NPHP3: variants seen among roughly 807,000 people sequenced by gnomAD.
The protein encoded by NPHP3 is nephrocystin 3, also known as nephrocystin-3.
In NPHP3, 123 loss-of-function variants were observed where a neutral mutation model predicts 171.9. That is an observed-to-expected ratio of 0.72 (90% CI 0.62 to 0.83). NPHP3 has a LOEUF of 0.83. Among genes scored for constraint, NPHP3 ranks in the 40% least tolerant of loss-of-function variants. NPHP3 has a pLI of 0.00. For synonymous variants in NPHP3, 558 were observed against 579.2 expected (o/e 0.96, Z 0.52); for missense variants, 1,506 against 1,591.9 (o/e 0.95, Z 0.92).
In NPHP3 at chr3:132,699,371, G is replaced by T. The variant is rs1304651255; in HGVS notation, c.1967C>A (p.Thr656Lys). ...ATCGTACCTCCATGCTGGAGGGCAT[G>T]TTTCTACATTCACAGAAACAATTAC... ...VRVIVSVNVETCPPAWRLWPT... is the reference protein window; with the variant it reads ...VRVIVSVNVEKCPPAWRLWPT... The change falls in exon 13 of 27, where the codon ACA becomes AAA. Residue 656 changes from threonine (T) to lysine (K), a missense_variant. Physicochemically the swap from Thr to Lys is moderately conservative, Grantham distance 78. Around this residue, in one of 3 missense-constraint regions of NPHP3, gnomAD observed 930 missense variants for 924.9 expected, o/e 1.01. Coordinates refer to ENST00000337331, the MANE Select transcript of NPHP3 (RefSeq NM_153240.5). The T allele has an allele frequency of 6.2e-7, 1 of 1,611,718 alleles. No homozygotes were observed.
rs576575130 is a variant in NPHP3, at chr3:132,705,168, AT to A, written c.1350+571del. 4.6e-5 allele frequency among the ~76,000 whole-genome samples: 7 copies of A among 152,186 alleles called. No homozygotes were observed. The South Asian group carries it at 1.5e-3, about 32-fold the overall frequency. On this transcript the variant is annotated intron_variant, in intron 8 of 26. Transcript: ENST00000337331. ...GGAATAATAAATAATCACTATTACT[AT>A]TTTTTTCTAATATATAATTTAAAAT...
chr3:132,722,244 C>G lies in NPHP3; in HGVS notation c.112G>C (p.Ala38Pro). Residue 38 changes from alanine (A) to proline (P), a missense_variant, in exon 1 of 27, where the codon GCC (alanine) becomes CCC (proline). Around this residue, in one of 3 missense-constraint regions of NPHP3, gnomAD observed 930 missense variants for 924.9 expected, o/e 1.01. Transcript: ENST00000337331. ...CGGAACGAGTTGCGCAGCAGGCGGGCCTTGGGCTTCACCTCCACCGGGATC... is the reference window on the plus strand; with the variant it reads ...CGGAACGAGTTGCGCAGCAGGCGGGGCTTGGGCTTCACCTCCACCGGGATC... ...CEIPVEVKPKARLLRNSFRRG... is the reference protein window; with the variant it reads ...CEIPVEVKPKPRLLRNSFRRG... 1.3e-6 allele frequency: 2 copies of G among 1,568,042 alleles called. No homozygotes were observed. The highest frequency in any genetic ancestry group is 1.7e-6 in the Non-Finnish European group (2 of 1,166,832).
Position 132,712,420 on chromosome 3 carries a change from T to A in NPHP3, c.1118+706A>T, listed in dbSNP as rs190326064. ...AACTCAGGTTTTGTAGGACACATGG[T>A]TTCTGTTGTAAAGATTCAACTTTGC... is the stretch of plus-strand genomic sequence containing the variant. On this transcript the variant is annotated intron_variant, in intron 6 of 26. Coordinates refer to ENST00000337331, the MANE Select transcript of NPHP3 (RefSeq NM_153240.5). The A allele has an allele frequency of 8.6e-4, 393 of 456,942 alleles. 1 individual carries two copies. Among genetic ancestry groups the A allele is most frequent in the Non-Finnish European group, 1.5e-3 (338 of 226,878 alleles). The allele number at this position is 456,942 out of a possible 1,614,324, so 28.3% of individuals were successfully genotyped here. A position where few individuals can be genotyped will look rare whatever the true frequency, so the allele number is the denominator to read the frequency against.
chr3:132,708,194 G>A lies in NPHP3; in HGVS notation c.1182C>T (p.Ile394=). ...LKNPEGKPRL[I]FHRLEDGKVS... is the part of the protein sequence containing the mutation. ...CTTTTCCATCTTCCAAACGATGAAA[G>A]ATTAATCGAGGTTTTCCTTCAGGGT... The change falls in exon 7 of 27, where the codon ATC becomes ATT. Residue 394 remains isoleucine (I), a synonymous_variant. Coordinates refer to ENST00000337331, the MANE Select transcript of NPHP3 (RefSeq NM_153240.5). 1 of 1,613,876 alleles carries A rather than the reference G, an allele frequency of 6.2e-7. No homozygotes were observed. Among genetic ancestry groups the A allele is most frequent in the Non-Finnish European group, 8.5e-7 (1 of 1,179,718 alleles).
intron 1 of NPHP3, among the ~76,000 whole-genome samples, chr3:132,720,419 G>C (rs936305284): frequency 4.6e-5 from 7 of 152,194 alleles, no homozygotes; most frequent in African/African-American, 1.7e-4. Flanking sequence ...ACTCCGCCCT[G>C]TTTGGTTTGG....
intron 3 of NPHP3, chr3:132,718,216 G>A: frequency 3.4e-6 from 1 of 295,850 alleles, no homozygotes; most frequent in Non-Finnish European, 6.6e-6. Flanking sequence ...AAATGGGAGA[G>A]TGACTACATT....
rs760474910 is a variant in NPHP3 at position 132,697,300 on chromosome 3, G to A, written c.2048C>T (p.Ala683Val). ...TTTAATGTCTACAGAGTGGCATTCT[G>A]CAATTATAATAGATTTTGCATCTTT... The part of the protein sequence containing the change: ...SPKDAKSIII[A>V]ECHSVDIKLS... Residue 683 changes from alanine to valine, a missense_variant, in exon 14 of 27, where the codon GCA (alanine) becomes GTA (valine). Around this residue, in one of 3 missense-constraint regions of NPHP3, gnomAD observed 930 missense variants for 924.9 expected, o/e 1.01. Transcript: ENST00000337331. The A allele has an allele frequency of 3.7e-6, 6 of 1,612,156 alleles. No individual in the cohort carries two copies. Among genetic ancestry groups the A allele is most frequent in the Non-Finnish European group, 5.1e-6 (6 of 1,179,226 alleles).
chr3:132,708,950 C>G (rs777290260), intron 6 of NPHP3, among the ~76,000 whole-genome samples: 3 of 152,174 alleles, frequency 2.0e-5, no homozygotes, highest in Non-Finnish European at 4.4e-5. Context: ...ACTAAGAATT[C>G]TTGAACCTAT....
chr3:132,721,160 C>G (rs572041583), intron 1 of NPHP3, among the ~76,000 whole-genome samples: 1 of 152,130 alleles, frequency 6.6e-6, no homozygotes. Flanking sequence ...TCAGGTGATC[C>G]GTCCGCCTAG....
At chr3:132,700,765 T>C (rs1939586437) in intron 10 of NPHP3, among the ~76,000 whole-genome samples, 1 of 152,118 alleles carries the variant, frequency 6.6e-6, no homozygotes. Context: ...AGAGGAAAAT[T>C]TGTTAGATAC....
Position 132,682,062 on chromosome 3 carries a change from C to T in NPHP3, c.3841G>A (p.Ala1281Thr), listed in dbSNP as rs1939044718. Reference protein sequence around the residue: ...SYEGGDFEKAAELYKRAMEIK... With the variant: ...SYEGGDFEKATELYKRAMEIK... ...TCCATTGCCCTTTTGTATAATTCAGCAGCTTTTTCAAAATCTCCTCCTTCA... is the reference window on the plus strand; with the variant it reads ...TCCATTGCCCTTTTGTATAATTCAGTAGCTTTTTCAAAATCTCCTCCTTCA... The change falls in exon 27 of 27, where the codon GCT (alanine) becomes ACT (threonine). Residue 1281 changes from alanine (A) to threonine (T), a missense_variant. Ala to Thr is a moderately conservative substitution (Grantham distance 58). Around this residue, in one of 3 missense-constraint regions of NPHP3, gnomAD observed 569 missense variants for 648.1 expected, o/e 0.88. Transcript: ENST00000337331. 1 of 1,614,038 alleles carries T rather than the reference C, an allele frequency of 6.2e-7. No homozygotes were observed. Among genetic ancestry groups the T allele is most frequent in the Non-Finnish European group, 8.5e-7 (1 of 1,179,956 alleles).
At chr3:132,682,187 T>C (rs12491565) in intron 26 of NPHP3, 97 bp from the exon 27 acceptor site, 3 of 1,160,472 alleles carry the variant, frequency 2.6e-6, no homozygotes, top group Non-Finnish European at 3.8e-6. Flanking sequence ...CTGTAAATAT[T>C]TGCCCATTTC....
chr3:132,715,336 A>C, intron 4 of NPHP3, 118 bp from the exon 5 acceptor site: 1 of 799,382 alleles, frequency 1.3e-6, no homozygotes. Flanking sequence ...ACATGTTAAT[A>C]CTGCCATACC....
intron 9 of NPHP3, among the ~76,000 whole-genome samples, chr3:132,702,021 G>A (rs781202392): frequency 1.7e-4 from 26 of 151,888 alleles, no homozygotes; most frequent in Non-Finnish European, 2.8e-4. Context: ...GCAAGACTCC[G>A]TCTCAAAACA....
intron 7 of NPHP3, among the ~76,000 whole-genome samples, chr3:132,707,765 G>C (rs546051708): frequency 8.2e-4 from 125 of 152,070 alleles, no homozygotes; most frequent in Non-Finnish European, 1.6e-3. Context: ...ATGGCTCTCA[G>C]ACTCTGCACA....
chr3:132,682,668 A>C (rs373763291), intron 26 of NPHP3, 35 bp downstream of exon 26: 1 of 1,150,906 alleles, frequency 8.7e-7, no homozygotes, highest in South Asian at 1.2e-5. Context: ...TTCGAATAAA[A>C]GAGGCTGTAT....
At chr3:132,697,158 T>C in intron 14 of NPHP3, 102 bp downstream of exon 14, 2 of 833,706 alleles carry the variant, frequency 2.4e-6, no homozygotes, top group Non-Finnish European at 2.0e-6. Flanking sequence ...ACTCCAGTTT[T>C]CCTTATAACA....
chr3:132,719,786 ACTTT>A lies in NPHP3; in HGVS notation c.434_437del (p.Glu145ValfsTer3), dbSNP rs763300393. 5.2e-5 allele frequency: 83 copies of A among 1,601,086 alleles called. No individual in the cohort carries two copies. The highest frequency in any genetic ancestry group is 1.3e-4 in the Admixed American group (8 of 59,576). On this transcript the variant is annotated frameshift_variant, in exon 2 of 27. Coordinates refer to ENST00000337331, the MANE Select transcript of NPHP3 (RefSeq NM_153240.5). LOFTEE classifies it high-confidence loss of function. Reference sequence around the variant, plus strand: ...TTGCTTGGTATTTCGCTTCTAAAGCACTTTCTTTTTCTCGAAGTATCTTCTGATA... The same window carrying A: ...TTGCTTGGTATTTCGCTTCTAAAGCACTTTTTCTCGAAGTATCTTCTGATA...
intron 1 of NPHP3, among the ~76,000 whole-genome samples, chr3:132,720,572 A>G (rs887803756): frequency 6.6e-6 from 1 of 152,308 alleles, no homozygotes; most frequent in Middle Eastern, 3.4e-3. Context: ...AGGAAAACTG[A>G]TAAGACAACA....
Sources: gnomAD v4.1 joint callset for allele counts (sites outside exome capture counted in the v4.1 genomes callset) on GRCh38, gnomAD v4.1.1 for gene constraint, gnomAD v4.1.1 regional missense constraint, MANE v1.5 for transcripts, NCBI Gene and HGNC (gene_info 2026-07-23, HGNC 2026-07-21) for gene names.